ATP6V1C1: variants seen among roughly 807,000 people sequenced by gnomAD.
ATP6V1C1 encodes ATPase H+ transporting V1 subunit C1, also known as V-type proton ATPase subunit C 1.
In ATP6V1C1, 45 loss-of-function variants were observed where a neutral mutation model predicts 53.9. That is an observed-to-expected ratio of 0.83 (90% confidence interval 0.66 to 1.07). The LOEUF is 1.07. ATP6V1C1 is among the 50% of genes least tolerant of loss of function. The pLI is 0.00. For synonymous variants in ATP6V1C1, 153 were observed against 155.2 expected (o/e 0.99, Z 0.11); for missense variants, 315 against 440.3 (o/e 0.72, Z 2.55).
At chr8:103,022,738 G>A (rs1163091304) in intron 1 of ATP6V1C1, among the ~76,000 whole-genome samples, 1 of 152,128 alleles carries the variant, frequency 6.6e-6, no homozygotes, top group East Asian at 1.9e-4. Flanking sequence ...AAAAGGGAAT[G>A]TGAAGGTGTG....
chr8:103,059,108 T>C (rs913884388), intron 8 of ATP6V1C1, among the ~76,000 whole-genome samples: 3 of 151,308 alleles, frequency 2.0e-5, no homozygotes, highest in Admixed American at 6.6e-5. Context: ...TTCACAGAGG[T>C]TTTTCTTTAG....
chr8:103,060,172 C>G lies in ATP6V1C1; in HGVS notation c.642-2783C>G, dbSNP rs547505110. 2.6e-5 allele frequency among the ~76,000 whole-genome samples: 4 copies of G among 151,766 alleles called. 1 individual carries two copies. The South Asian group carries it at 8.4e-4, about 32-fold the overall frequency. ...TAGTAGAGGTGAGGTTTCACTATGT[C>G]GGCCAGACTGGTCTCGAGCTCCTGA... is the stretch of plus-strand genomic sequence containing the variant. On this transcript the variant is annotated intron_variant, in intron 8 of 12. Coordinates refer to ENST00000518738, the MANE Select transcript of ATP6V1C1 (RefSeq NM_001695.5).
At chr8:103,060,083 C>G (rs1235010924) in intron 8 of ATP6V1C1, among the ~76,000 whole-genome samples, 1 of 151,694 alleles carries the variant, frequency 6.6e-6, no homozygotes, top group Non-Finnish European at 1.5e-5. Flanking sequence ...GTCTCCTTCC[C>G]CAGCTTCCCA....
Position 103,040,530 on chromosome 8 carries a change from G to A in ATP6V1C1, c.-39-268G>A, listed in dbSNP as rs373969173. On this transcript the variant is annotated intron_variant, in intron 1 of 12. Transcript: ENST00000518738. ...TAATCTCACTTCTTGGCTAACTCCC[G>A]TTAAGGATGTTTTATAATGAAAAAA... is the stretch of plus-strand genomic sequence containing the variant. Among the ~76,000 whole-genome samples the A allele has an allele frequency of 1.2e-3, 180 of 152,134 alleles. 4 individuals carry two copies. In the South Asian group the frequency reaches 0.019, roughly 16 times the overall value.
intron 8 of ATP6V1C1, among the ~76,000 whole-genome samples, chr8:103,062,104 T>TG (rs1361192428): frequency 6.7e-6 from 1 of 150,116 alleles, no homozygotes; most frequent in Non-Finnish European, 1.5e-5. Context: ...AATGGAGCCA[T>TG]GAGATGCATA....
chr8:103,036,154 A>T (rs1280113346), intron 1 of ATP6V1C1, among the ~76,000 whole-genome samples: 1 of 152,224 alleles, frequency 6.6e-6, no homozygotes, highest in African/African-American at 2.4e-5. Flanking sequence ...AGTGTGACAC[A>T]ATAGAGAGAA....
chr8:103,039,755 A>G (rs1452800636), intron 1 of ATP6V1C1, among the ~76,000 whole-genome samples: 2 of 152,086 alleles, frequency 1.3e-5, no homozygotes, highest in African/African-American at 4.8e-5. Flanking sequence ...GGAGGAGGAA[A>G]AGAGATTATA....
At position 103,072,946 on chromosome 8, in the gene ATP6V1C1, C is replaced by G. The variant is rs1288243516; in HGVS notation, c.*4199C>G. The G allele has an allele frequency of 6.6e-6, 1 of 152,194 alleles. No homozygotes were observed. Among genetic ancestry groups the G allele is most frequent in the Non-Finnish European group, 1.5e-5 (1 of 68,042 alleles). The allele number at this position is 152,194 out of a possible 1,614,324, so 9.4% of individuals were successfully genotyped here. On this transcript the variant is annotated 3_prime_UTR_variant, in exon 13 of 13. Transcript: ENST00000518738. ...AACAAATCAGAAGGCAGTCAACAAA[C>G]AGAAAGGGGGACATTCCTTCCCTGG...
intron 5 of ATP6V1C1, among the ~76,000 whole-genome samples, chr8:103,052,017 A>G (rs908176103): frequency 8.5e-5 from 13 of 152,100 alleles, no homozygotes; most frequent in African/African-American, 3.1e-4. Flanking sequence ...TTAAGAAACT[A>G]TTATTTACAT....
chr8:103,042,503 A>G, intron 3 of ATP6V1C1, 96 bp downstream of exon 3: 8 of 1,250,086 alleles, frequency 6.4e-6, no homozygotes, highest in Non-Finnish European at 6.7e-6. Flanking sequence ...TACTCTGCTT[A>G]TTGGAATGGT....
At chr8:103,066,569 A>G in intron 12 of ATP6V1C1, 122 bp downstream of exon 12, 1 of 1,107,002 alleles carries the variant, frequency 9.0e-7, no homozygotes, top group East Asian at 2.7e-5. Flanking sequence ...TATTACTTTG[A>G]GGTTCTCAAT....
chr8:103,043,297 C>T (rs929810093), intron 3 of ATP6V1C1, among the ~76,000 whole-genome samples: 31 of 150,790 alleles, frequency 2.1e-4, no homozygotes, highest in African/African-American at 7.0e-4. Flanking sequence ...TTATAGCCAT[C>T]CCAGGGGGTA....
chr8:103,055,479 T>C (rs1817274808), intron 7 of ATP6V1C1, among the ~76,000 whole-genome samples: 1 of 152,174 alleles, frequency 6.6e-6, no homozygotes, highest in African/African-American at 2.4e-5. Context: ...TAGTTTTTTT[T>C]CAGTCCTTCA....
chr8:103,021,627 TG>T (rs991698280), intron 1 of ATP6V1C1, among the ~76,000 whole-genome samples: 400 of 22,114 alleles, frequency 0.018, 1 homozygote, highest in Middle Eastern at 0.06. Context: ...GGGTGTGTGT[TG>T]GGGGGGGCGC....
chr8:103,051,597 A>G (rs1817200835), intron 5 of ATP6V1C1, among the ~76,000 whole-genome samples: 1 of 152,152 alleles, frequency 6.6e-6, no homozygotes, highest in Admixed American at 6.6e-5. Context: ...TCTGCCTGGA[A>G]AAATTCCCGT....
intron 11 of ATP6V1C1, among the ~76,000 whole-genome samples, chr8:103,065,606 A>G (rs1409193531): frequency 1.3e-5 from 2 of 152,014 alleles, no homozygotes; most frequent in Non-Finnish European, 2.9e-5. Flanking sequence ...AAACACCCCA[A>G]AACTTACATG....
chr8:103,038,231 C>T (rs1256266718), intron 1 of ATP6V1C1, among the ~76,000 whole-genome samples: 1 of 152,102 alleles, frequency 6.6e-6, no homozygotes, highest in Non-Finnish European at 1.5e-5. Context: ...GTGGTTCATG[C>T]TGGTTGTTGG....
intron 9 of ATP6V1C1, 26 bp from the exon 10 acceptor site, chr8:103,063,108 AT>A: frequency 6.2e-7 from 1 of 1,610,692 alleles, no homozygotes; most frequent in Non-Finnish European, 8.5e-7. Context: ...AATGTGAACA[AT>A]TTTGTTTTTT....
intron 1 of ATP6V1C1, among the ~76,000 whole-genome samples, chr8:103,026,654 A>G (rs1244006779): frequency 6.6e-6 from 1 of 152,124 alleles, no homozygotes; most frequent in Non-Finnish European, 1.5e-5. Flanking sequence ...CTCTACTGAA[A>G]ATACAAAAAA....
Sources: allele counts gnomAD v4.1 joint callset (sites outside exome capture counted in the v4.1 genomes callset), GRCh38; gene constraint gnomAD v4.1.1; transcripts MANE v1.5; gene names NCBI Gene and HGNC (gene_info 2026-07-23, HGNC 2026-07-21).